HCRTR2: variants seen among roughly 807,000 people sequenced by gnomAD.
HCRTR2 encodes hypocretin receptor 2, also known as orexin receptor type 2.
In HCRTR2, 22 loss-of-function variants were observed where a neutral mutation model predicts 49.0. The observed-to-expected ratio is 0.45, with a 90% CI of 0.32 to 0.64. HCRTR2 has a LOEUF of 0.64. Ranked by LOEUF, HCRTR2 falls within the 30% of genes least tolerant of loss-of-function variation. HCRTR2 has a pLI of 0.04. For missense variants in HCRTR2, 491 were observed against 559.4 expected, an observed-to-expected ratio of 0.88 and a Z score of 1.23; for synonymous variants, 236 against 205.3, an observed-to-expected ratio of 1.15 and a Z score of -1.28.
At position 55,203,285 on chromosome 6, in the gene HCRTR2, A is replaced by T. The variant is rs561913742; in HGVS notation, c.223+28475A>T. The stretch of plus-strand genomic sequence containing the variant: ...AAGCATAGCTCCAAGCTCAAAGAAT[A>T]GCTTAATTTTTCCTGATTAGTTTAT... On this transcript the variant is annotated intron_variant, in intron 1 of 6. Coordinates refer to ENST00000370862, the MANE Select transcript of HCRTR2 (RefSeq NM_001384272.1). Among the ~76,000 whole-genome samples the T allele has an allele frequency of 5.4e-4, 82 of 152,332 alleles. No homozygotes were observed. In the South Asian group the frequency reaches 6.0e-3, roughly 11 times the overall value.
chr6:55,108,655 TG>T (rs1460592800), intron 1 of HCRTR2, among the ~76,000 whole-genome samples: 1 of 152,046 alleles, frequency 6.6e-6, no homozygotes, highest in Admixed American at 6.6e-5. Flanking sequence ...TAGGCACTTC[TG>T]GCCCCTAAGG....
intron 1 of HCRTR2, among the ~76,000 whole-genome samples, chr6:55,236,046 C>G (rs190280679): frequency 6.6e-6 from 1 of 152,054 alleles, no homozygotes; most frequent in East Asian, 1.9e-4. Flanking sequence ...CAAAGGAAAG[C>G]TAGCATTTTA....
At chr6:55,264,074 C>T (rs1229578520) in intron 4 of HCRTR2, among the ~76,000 whole-genome samples, 1 of 151,850 alleles carries the variant, frequency 6.6e-6, no homozygotes, top group African/African-American at 2.4e-5. Flanking sequence ...ATTTTATAAA[C>T]TGATTAAGTA....
intron 1 of HCRTR2, among the ~76,000 whole-genome samples, chr6:55,186,823 T>G (rs1765223460): frequency 1.3e-5 from 2 of 152,276 alleles, no homozygotes; most frequent in South Asian, 4.1e-4. Flanking sequence ...CCTTGGGATG[T>G]TTCAGGCATG....
At chr6:55,256,833 ACT>A (rs1048068979) in intron 3 of HCRTR2, among the ~76,000 whole-genome samples, 2 of 152,092 alleles carry the variant, frequency 1.3e-5, no homozygotes, top group African/African-American at 4.8e-5. Flanking sequence ...AGAGAAACAG[ACT>A]CTGCTTACGG....
At chr6:55,221,212 G>T (rs1356611232) in intron 1 of HCRTR2, among the ~76,000 whole-genome samples, 1 of 152,072 alleles carries the variant, frequency 6.6e-6, no homozygotes, top group Non-Finnish European at 1.5e-5. Context: ...TGAGAACCAT[G>T]GATACTTAGA....
chr6:55,240,841 C>T (rs1460672787), intron 1 of HCRTR2: 1 of 363,534 alleles, frequency 2.8e-6, no homozygotes, highest in Non-Finnish European at 5.5e-6. Context: ...AGGCTTTCTT[C>T]CCTATGTATT....
In HCRTR2 at chr6:55,242,071, T is replaced by C. The variant is rs181924372; in HGVS notation, c.224-6568T>C. Among the ~76,000 whole-genome samples, 354 of 152,014 alleles carry C rather than the reference T, an allele frequency of 2.3e-3. 1 individual carries two copies. Among genetic ancestry groups the C allele is most frequent in the African/African-American group, 8.1e-3 (337 of 41,448 alleles). On this transcript the variant is annotated intron_variant, in intron 1 of 6. Coordinates refer to ENST00000370862, the MANE Select transcript of HCRTR2 (RefSeq NM_001384272.1). The stretch of plus-strand genomic sequence containing the variant: ...TTTTAGTAGAGACAGGATTTCACTA[T>C]GTTGGCCAGTCTGGTCTCGAACTCC...
chr6:55,245,490 T>TATATATATATATATATATATATATAC (rs1365986348), intron 1 of HCRTR2, among the ~76,000 whole-genome samples: 4 of 133,156 alleles, frequency 3.0e-5, no homozygotes, highest in African/African-American at 1.1e-4. Flanking sequence ...TATATATATA[T>TATATATATATATATATATATATATAC]ATATATATAT....
chr6:55,266,649 T>C (rs553029816), intron 4 of HCRTR2, among the ~76,000 whole-genome samples: 1 of 75,366 alleles, frequency 1.3e-5, no homozygotes, highest in East Asian at 2.8e-4. Context: ...TAATTTCTTA[T>C]TCATTTATTT....
intron 1 of HCRTR2, among the ~76,000 whole-genome samples, chr6:55,237,941 T>C (rs1766245110): frequency 6.6e-6 from 1 of 152,212 alleles, no homozygotes; most frequent in Admixed American, 6.5e-5. Flanking sequence ...CCCTTCTTAC[T>C]CTAATTCTGT....
chr6:55,165,492 A>T (rs1764863834), intron 1 of HCRTR2, among the ~76,000 whole-genome samples: 1 of 152,032 alleles, frequency 6.6e-6, no homozygotes, highest in Admixed American at 6.6e-5. Context: ...TAAAGACCTA[A>T]GTATAAGAGC....
chr6:55,203,384 T>A (rs1218337101), intron 1 of HCRTR2, among the ~76,000 whole-genome samples: 7 of 152,194 alleles, frequency 4.6e-5, no homozygotes, highest in Admixed American at 3.3e-4. Context: ...CTTTCTATCT[T>A]TTTTATACTG....
At chr6:55,265,785 T>A (rs1409369392) in intron 4 of HCRTR2, among the ~76,000 whole-genome samples, 1 of 152,092 alleles carries the variant, frequency 6.6e-6, no homozygotes, top group Non-Finnish European at 1.5e-5. Flanking sequence ...AGTAGTGACA[T>A]GAATTTTGTA....
chr6:55,225,914 C>A (rs1581841107), intron 1 of HCRTR2, among the ~76,000 whole-genome samples: 1 of 152,218 alleles, frequency 6.6e-6, no homozygotes, highest in East Asian at 1.9e-4. Flanking sequence ...TTAGGCTTAT[C>A]ATTGACAAAA....
chr6:55,202,113 G>A (rs915820541), intron 1 of HCRTR2, among the ~76,000 whole-genome samples: 1 of 152,150 alleles, frequency 6.6e-6, no homozygotes. Flanking sequence ...GGAAAGAAGA[G>A]AATAGAAAAA....
At position 55,126,800 on chromosome 6, in the gene HCRTR2, G is replaced by A. The variant is rs115192663; in HGVS notation, c.-378+20255G>A. 5.9e-3 allele frequency among the ~76,000 whole-genome samples: 905 copies of A among 152,270 alleles called. 4 individuals carry two copies. The highest frequency in any genetic ancestry group is 0.021 in the African/African-American group (861 of 41,564). ...CCAGAGAGGAGAAATCTGGCAGTTT[G>A]CAGCCTTGCTGAGCTGCAGTGGGCT... On this transcript the variant is annotated intron_variant, in intron 1 of 7. Coordinates refer to the HCRTR2 transcript ENST00000615358.
At chr6:55,110,092 C>T (rs1224098317) in intron 1 of HCRTR2, among the ~76,000 whole-genome samples, 1 of 152,076 alleles carries the variant, frequency 6.6e-6, no homozygotes, top group African/African-American at 2.4e-5. Context: ...AAATGATTAT[C>T]AGCCAAGAAT....
At chr6:55,167,306 T>C (rs1581803908) in intron 1 of HCRTR2, among the ~76,000 whole-genome samples, 1 of 152,180 alleles carries the variant, frequency 6.6e-6, no homozygotes, top group Non-Finnish European at 1.5e-5. Context: ...GCTTTTAACA[T>C]TGGAGTCCAA....
Sources: allele counts gnomAD v4.1 joint callset (sites outside exome capture counted in the v4.1 genomes callset), GRCh38; gene constraint gnomAD v4.1.1; transcripts MANE v1.5; gene names NCBI Gene and HGNC (gene_info 2026-07-23, HGNC 2026-07-21).